The following WWOX variants were observed in gnomAD, a reference collection of about 807,000 sequenced individuals.
The protein encoded by WWOX is WW domain containing oxidoreductase, also known as WW domain-containing oxidoreductase.
A neutral mutation model predicts 46.2 loss-of-function variants in WWOX; 69 were observed. The observed-to-expected ratio is 1.49, with a 90% confidence interval of 1.23 to 1.82. The LOEUF is 1.82. Among genes scored for constraint, WWOX ranks in the 40% most tolerant of loss-of-function variants. The probability of loss-of-function intolerance (pLI) is 0.00; values close to 1 mark genes in which losing one functional copy is unlikely to be tolerated. For synonymous variants in WWOX, 359 were observed against 202.6 expected (o/e 1.77, Z -6.56); for missense variants, 919 against 542.6 (o/e 1.69, Z -6.89).
At chr16:78,686,920 A>C (rs74324570) in intron 8 of WWOX, among the ~76,000 whole-genome samples, 52 of 152,308 alleles carry the variant, frequency 3.4e-4, no homozygotes, top group African/African-American at 1.2e-3. Context: ...CATAGTAATA[A>C]ACAGTTTCCA....
chr16:78,820,200 G>C (rs1238300608), intron 8 of WWOX, among the ~76,000 whole-genome samples: 1 of 152,004 alleles, frequency 6.6e-6, no homozygotes, highest in East Asian at 1.9e-4. Context: ...CTGACATCTG[G>C]GTGTTGTAAG....
chr16:78,285,826 T>G (rs531782712), intron 5 of WWOX, among the ~76,000 whole-genome samples: 2 of 152,324 alleles, frequency 1.3e-5, no homozygotes, highest in East Asian at 3.9e-4. Context: ...CCTCACCCAC[T>G]GAGTATTTAA....
intron 8 of WWOX, among the ~76,000 whole-genome samples, chr16:78,607,875 C>G (rs1397729469): frequency 6.6e-6 from 1 of 152,046 alleles, no homozygotes; most frequent in Admixed American, 6.6e-5. Context: ...GCTTAGGGTA[C>G]AAGAGCTTGT....
intron 8 of WWOX, among the ~76,000 whole-genome samples, chr16:78,766,065 C>A (rs117598083): frequency 1.3e-5 from 2 of 152,166 alleles, no homozygotes; most frequent in African/African-American, 4.8e-5. Flanking sequence ...ATGAGCAGTT[C>A]CAAAGGAGTG....
chr16:79,056,908 T>C (rs927892099), intron 8 of WWOX, among the ~76,000 whole-genome samples: 55 of 152,190 alleles, frequency 3.6e-4, no homozygotes, highest in Admixed American at 3.4e-3. Context: ...CTACAAAACA[T>C]AGTGCTAAAA....
At chr16:78,546,105 T>C (rs988800407) in intron 8 of WWOX, among the ~76,000 whole-genome samples, 6 of 152,304 alleles carry the variant, frequency 3.9e-5, no homozygotes, top group African/African-American at 1.4e-4. Context: ...TGTCAGTTTT[T>C]TATGGAAGAA....
At chr16:78,489,142 G>T (rs2084714440) in intron 8 of WWOX, among the ~76,000 whole-genome samples, 1 of 152,176 alleles carries the variant, frequency 6.6e-6, no homozygotes, top group African/African-American at 2.4e-5. Context: ...GTTCTGTTAA[G>T]TTTTTTATAG....
chr16:78,162,143 G>C (rs1458498911), intron 4 of WWOX, among the ~76,000 whole-genome samples: 1 of 152,138 alleles, frequency 6.6e-6, no homozygotes, highest in Non-Finnish European at 1.5e-5. Context: ...GTGTAGTGTA[G>C]GTGACAAACA....
intron 8 of WWOX, among the ~76,000 whole-genome samples, chr16:78,927,875 G>C (rs1375013411): frequency 1.3e-5 from 2 of 152,150 alleles, no homozygotes; most frequent in South Asian, 4.1e-4. Context: ...GAAGTTCAAT[G>C]AATTATTCTT....
chr16:78,874,693 T>TTTG (rs1555555515), intron 8 of WWOX, among the ~76,000 whole-genome samples: 3 of 144,826 alleles, frequency 2.1e-5, no homozygotes, highest in Non-Finnish European at 4.5e-5. Flanking sequence ...TCTTTTTTTT[T>TTTG]TTTTTTTTTT....
chr16:78,512,877 A>G (rs539535076), intron 8 of WWOX, among the ~76,000 whole-genome samples: 70 of 152,308 alleles, frequency 4.6e-4, no homozygotes, highest in Non-Finnish European at 7.3e-4. Context: ...TCACTTTGGA[A>G]GAATCTGGAT....
intron 5 of WWOX, among the ~76,000 whole-genome samples, chr16:78,238,946 G>C (rs534493273): frequency 7.6e-5 from 11 of 144,290 alleles, no homozygotes; most frequent in African/African-American, 2.7e-4. Context: ...GAATACTGAA[G>C]GCATCGGCCC....
chr16:79,149,670 C>T (rs1394003412), intron 8 of WWOX, among the ~76,000 whole-genome samples: 1 of 152,184 alleles, frequency 6.6e-6, no homozygotes, highest in Non-Finnish European at 1.5e-5. Context: ...AATCTGCCTG[C>T]TTATATTTTC....
In WWOX at chr16:79,212,394, G is replaced by T. The variant is rs920503737; in HGVS notation, c.*598G>T. 1.5e-5 allele frequency: 7 copies of T among 457,366 alleles called. No individual in the cohort carries two copies. The highest frequency in any genetic ancestry group is 1.3e-4 in the African/African-American group (7 of 51,962). The allele number at this position is 457,366 out of a possible 1,614,324, so 28.3% of individuals were successfully genotyped here. A position where few individuals can be genotyped will look rare whatever the true frequency, so the allele number is the denominator to read the frequency against. On this transcript the variant is annotated 3_prime_UTR_variant, in exon 9 of 9. Transcript: ENST00000566780. ...ATACGCAGAACTACCAGGTGGCAAA[G>T]TACTTGTCATAGACTCCTTTGCTAA...
chr16:78,656,547 C>A (rs2047085370), intron 8 of WWOX, among the ~76,000 whole-genome samples: 1 of 152,144 alleles, frequency 6.6e-6, no homozygotes, highest in Non-Finnish European at 1.5e-5. Flanking sequence ...GGAGGTACTA[C>A]CCACTTTTAA....
intron 8 of WWOX, among the ~76,000 whole-genome samples, chr16:78,558,418 C>A (rs1406775197): frequency 3.9e-5 from 6 of 152,332 alleles, no homozygotes; most frequent in African/African-American, 1.4e-4. Context: ...TTGGGATTTC[C>A]TGCTTATCTC....
intron 8 of WWOX, among the ~76,000 whole-genome samples, chr16:78,917,165 T>C (rs2045271337): frequency 6.6e-6 from 1 of 152,168 alleles, no homozygotes; most frequent in Non-Finnish European, 1.5e-5. Flanking sequence ...CCAATTTTTG[T>C]AGCCATGGAG....
chr16:79,026,845 G>C lies in WWOX; in HGVS notation c.1057-184763G>C, dbSNP rs570216887. ...GGGGTTTCACCATGTTAGCCAGGATGGTCTCAATCTCCTGACCTTGTGATC... is the reference window on the plus strand; with the variant it reads ...GGGGTTTCACCATGTTAGCCAGGATCGTCTCAATCTCCTGACCTTGTGATC... On this transcript the variant is annotated intron_variant, in intron 8 of 8. Transcript: ENST00000566780. Among the ~76,000 whole-genome samples, 236 of 146,876 alleles carry C rather than the reference G, an allele frequency of 1.6e-3. 1 individual carries two copies. The highest frequency in any genetic ancestry group is 3.5e-3 in the Middle Eastern group (1 of 284).
intron 5 of WWOX, among the ~76,000 whole-genome samples, chr16:78,244,759 G>A (rs2037764375): frequency 6.6e-6 from 1 of 152,124 alleles, no homozygotes; most frequent in African/African-American, 2.4e-5. Context: ...TGAAGTAGGC[G>A]GGCCCGAAAT....
Sources: allele counts gnomAD v4.1 joint callset (sites outside exome capture counted in the v4.1 genomes callset), GRCh38; gene constraint gnomAD v4.1.1; transcripts MANE v1.5; gene names NCBI Gene and HGNC (gene_info 2026-07-23, HGNC 2026-07-21).